Variants in ORC2 observed in about 807,000 individuals in gnomAD.
The protein encoded by ORC2 is origin recognition complex subunit 2.
In ORC2, 37 loss-of-function variants were observed where a neutral mutation model predicts 77.7. The ratio of observed to expected loss-of-function variants is 0.48; its 90% CI spans 0.37 to 0.63. The LOEUF (loss-of-function observed/expected upper bound fraction) is 0.63, where lower values mean the gene tolerates loss of function less well. ORC2 is among the 20% of genes least tolerant of loss of function. The pLI is 0.00. For synonymous variants in ORC2, 201 were observed against 229.5 expected (o/e 0.88, Z 1.12); for missense variants, 557 against 661.9 (o/e 0.84, Z 1.74).
At chr2:200,958,230 T>C (rs553822279) in intron 2 of ORC2, 97 bp from the exon 3 acceptor site, 8 of 679,764 alleles carry the variant, frequency 1.2e-5, no homozygotes, top group East Asian at 1.1e-4. Context: ...TTATCTAATA[T>C]TTTTAAAGTC....
chr2:200,925,724 G>A, intron 13 of ORC2, 112 bp downstream of exon 13: 1 of 345,178 alleles, frequency 2.9e-6, no homozygotes, highest in South Asian at 4.8e-5. Context: ...GGGCAACAGA[G>A]AGACTGTCTC....
At chr2:200,929,647 T>A (rs2040903714) in intron 11 of ORC2, among the ~76,000 whole-genome samples, 5 of 151,908 alleles carry the variant, frequency 3.3e-5, no homozygotes, top group Admixed American at 3.3e-4. Context: ...ATAAAAAAAA[T>A]TAGCCCAGGC....
chr2:200,916,211 G>A (rs571127786), intron 15 of ORC2, among the ~76,000 whole-genome samples: 4 of 152,256 alleles, frequency 2.6e-5, no homozygotes, highest in African/African-American at 9.6e-5. Context: ...GACTGGGCAT[G>A]GTGGCTCATG....
intron 5 of ORC2, among the ~76,000 whole-genome samples, chr2:200,946,997 G>A (rs181264754): frequency 1.3e-5 from 2 of 151,840 alleles, no homozygotes; most frequent in African/African-American, 4.8e-5. Context: ...CCACGTTCTG[G>A]GTTCAAGTGA....
chr2:200,955,778 C>G (rs574521359), intron 4 of ORC2, among the ~76,000 whole-genome samples: 1 of 152,184 alleles, frequency 6.6e-6, no homozygotes, highest in Non-Finnish European at 1.5e-5. Flanking sequence ...ATATTGATTT[C>G]TTTCCTTTGT....
At chr2:200,924,821 T>C (rs1186878266) in intron 13 of ORC2, among the ~76,000 whole-genome samples, 1 of 152,110 alleles carries the variant, frequency 6.6e-6, no homozygotes, top group Non-Finnish European at 1.5e-5. Flanking sequence ...TGCAGTGGTA[T>C]GATCTTGGCT....
chr2:200,944,728 C>CT (rs2125008902), intron 5 of ORC2, among the ~76,000 whole-genome samples: 2 of 152,230 alleles, frequency 1.3e-5, no homozygotes, highest in South Asian at 4.1e-4. Flanking sequence ...TTTGTAGAGA[C>CT]TGGGTCTTCC....
intron 5 of ORC2, 114 bp downstream of exon 5, chr2:200,949,440 G>T: frequency 1.6e-6 from 1 of 643,008 alleles, no homozygotes; most frequent in Non-Finnish European, 2.8e-6. Flanking sequence ...AAACCATAGG[G>T]AATCTCTCTT....
rs16836284 is a variant in ORC2 at position 200,960,997 on chromosome 2, G to A, written c.-59-1557C>T. Among the ~76,000 whole-genome samples, 1,436 of 152,072 alleles carry A rather than the reference G, an allele frequency of 9.4e-3. 20 individuals carry two copies. Among genetic ancestry groups the A allele is most frequent in the African/African-American group, 0.032 (1,311 of 41,474 alleles). On this transcript the variant is annotated intron_variant, in intron 1 of 17. Transcript: ENST00000234296. ...TCACCATGTCGGCCAGGATGGTGTC[G>A]ATCTCTTGAACTCGTGATTGGCCCA...
chr2:200,930,663 G>A (rs1228484425), intron 11 of ORC2, among the ~76,000 whole-genome samples: 1 of 152,116 alleles, frequency 6.6e-6, no homozygotes, highest in African/African-American at 2.4e-5. Flanking sequence ...GTAACTGTGA[G>A]TGTGCATGTA....
intron 12 of ORC2, 149 bp from the exon 13 acceptor site, chr2:200,926,081 G>A: frequency 2.6e-6 from 1 of 383,532 alleles, no homozygotes; most frequent in Non-Finnish European, 4.8e-6. Context: ...ACTGGTACTT[G>A]AGTATATCTA....
chr2:200,922,375 TA>T lies in ORC2; in HGVS notation c.1148-1237del, dbSNP rs777219779. ...AGGAAAGACATTAGAATGAAATAGG[TA>T]AAAAAAAAAAAAAAAAAAATTGAAG... On this transcript the variant is annotated intron_variant, in intron 13 of 17. Coordinates refer to ENST00000234296, the MANE Select transcript of ORC2 (RefSeq NM_006190.5). 7.0e-3 allele frequency among the ~76,000 whole-genome samples: 481 copies of T among 68,432 alleles called. 2 individuals carry two copies. Among genetic ancestry groups the T allele is most frequent in the Middle Eastern group, 0.019 (2 of 106 alleles). 44.9% of individuals were successfully genotyped at this position (68,432 alleles called of 152,430 possible). A position where few individuals can be genotyped will look rare whatever the true frequency, so the allele number is the denominator to read the frequency against.
intron 4 of ORC2, among the ~76,000 whole-genome samples, chr2:200,955,715 C>T (rs2041454184): frequency 6.6e-6 from 1 of 152,200 alleles, no homozygotes; most frequent in African/African-American, 2.4e-5. Context: ...CATGAAAGCA[C>T]AGTTCCTCAG....
chr2:200,922,111 AT>A (rs2124947824), intron 13 of ORC2, among the ~76,000 whole-genome samples: 1 of 127,140 alleles, frequency 7.9e-6, no homozygotes, highest in East Asian at 2.7e-4. Context: ...GAAAACCCGG[AT>A]TATCACAAAA....
intron 6 of ORC2, among the ~76,000 whole-genome samples, chr2:200,942,106 G>A (rs942921354): frequency 3.3e-5 from 5 of 152,106 alleles, no homozygotes; most frequent in African/African-American, 1.2e-4. Context: ...CTTGAGCCCA[G>A]GAATTCAAGG....
In ORC2 at chr2:200,921,091, A is replaced by G. The variant is rs751035153; in HGVS notation, c.1196T>C (p.Met399Thr). 2.5e-6 allele frequency: 4 copies of G among 1,608,882 alleles called. No individual in the cohort carries two copies. The South Asian group carries it at 4.4e-5, about 18-fold the overall frequency. The change falls in exon 14 of 18, where the codon ATG becomes ACG. Residue 399 changes from methionine to threonine, a missense_variant. Physicochemically the swap from Met to Thr is moderately conservative, Grantham distance 81. Transcript: ENST00000234296. Reference sequence around the variant, plus strand: ...TTGCTGGCTCTTCTCTCCTCTCAACATCTGGCTATCCAAATTGTGGATGAG... The same window carrying G: ...TTGCTGGCTCTTCTCTCCTCTCAACGTCTGGCTATCCAAATTGTGGATGAG... ...FLLIHNLDSQ[M>T]LRGEKSQQII... is the part of the protein sequence containing the mutation.
rs549974403 is a variant in ORC2 at position 200,957,643 on chromosome 2, A to T, written c.95-99T>A. 1.5e-4 allele frequency: 137 copies of T among 903,154 alleles called. No individual in the cohort carries two copies. The African/African-American group carries it at 2.2e-3, about 15-fold the overall frequency. The allele number at this position is 903,154 out of a possible 1,614,324, so 55.9% of individuals were successfully genotyped here. ...TATAATATTTATATTGTCATTACTT[A>T]AAAGCTGGGAAAAAAGCTTTCTCTT... On this transcript the variant is annotated intron_variant, in intron 3 of 17. Transcript: ENST00000234296.
chr2:200,925,961 C>T (rs376074770), intron 12 of ORC2, 29 bp from the exon 13 acceptor site: 2 of 969,196 alleles, frequency 2.1e-6, no homozygotes, highest in South Asian at 1.5e-5. Flanking sequence ...AGAGGTACCA[C>T]ATTAATTACA....
intron 16 of ORC2, 67 bp from the exon 17 acceptor site, chr2:200,913,480 A>G: frequency 1.3e-6 from 2 of 1,487,158 alleles, no homozygotes; most frequent in Admixed American, 2.1e-5. Flanking sequence ...ACAAACACCC[A>G]TACAAAAGAA....
Sources: allele counts gnomAD v4.1 joint callset (sites outside exome capture counted in the v4.1 genomes callset), GRCh38; gene constraint gnomAD v4.1.1; transcripts MANE v1.5; gene names NCBI Gene and HGNC (gene_info 2026-07-23, HGNC 2026-07-21).